CACNB4: variants seen among roughly 807,000 people sequenced by gnomAD.
CACNB4 encodes the protein calcium voltage-gated channel auxiliary subunit beta 4.
Under a neutral mutation model 71.2 loss-of-function variants are expected in CACNB4, and 32 were observed. That is an observed-to-expected ratio of 0.45 (90% confidence interval 0.34 to 0.60). The LOEUF is 0.60. Among genes scored for constraint, CACNB4 ranks in the 20% least tolerant of loss-of-function variants. CACNB4 has a pLI of 0.01. For synonymous variants in CACNB4, 231 were observed against 236.9 expected (o/e 0.97, Z 0.23); for missense variants, 464 against 647.9 (o/e 0.72, Z 3.08).
At chr2:151,952,299 G>A (rs1235368269) in intron 2 of CACNB4, among the ~76,000 whole-genome samples, 1 of 152,138 alleles carries the variant, frequency 6.6e-6, no homozygotes, top group East Asian at 1.9e-4. Flanking sequence ...CTACAATGGG[G>A]AGTAATGATT....
intron 2 of CACNB4, among the ~76,000 whole-genome samples, chr2:151,917,360 C>T (rs921251092): frequency 2.0e-5 from 3 of 152,162 alleles, no homozygotes; most frequent in African/African-American, 7.2e-5. Flanking sequence ...AGAAAACAAA[C>T]ACCTGGAAGG....
chr2:151,925,563 G>A (rs2099860014), intron 2 of CACNB4, among the ~76,000 whole-genome samples: 1 of 152,100 alleles, frequency 6.6e-6, no homozygotes, highest in Non-Finnish European at 1.5e-5. Context: ...AGCAATCCCT[G>A]GTACCTGGAA....
At chr2:152,008,467 A>C (rs1682857668) in intron 2 of CACNB4, among the ~76,000 whole-genome samples, 1 of 151,878 alleles carries the variant, frequency 6.6e-6, no homozygotes, top group Non-Finnish European at 1.5e-5. Flanking sequence ...TTGTATTTTT[A>C]GTAGAGACAG....
intron 2 of CACNB4, among the ~76,000 whole-genome samples, chr2:152,039,559 T>A (rs1210928475): frequency 6.6e-6 from 1 of 152,248 alleles, no homozygotes; most frequent in East Asian, 1.9e-4. Context: ...CTTGTTTTCA[T>A]ATAGGTTTTA....
intron 2 of CACNB4, among the ~76,000 whole-genome samples, chr2:152,056,443 C>G (rs6745984): frequency 0.049 from 7,503 of 152,148 alleles, 616 homozygotes; most frequent in African/African-American, 0.17. Flanking sequence ...ACAATTATCT[C>G]CCATGTTTCA....
At chr2:151,929,694 T>G (rs1182611145) in intron 2 of CACNB4, among the ~76,000 whole-genome samples, 2 of 152,212 alleles carry the variant, frequency 1.3e-5, no homozygotes, top group African/African-American at 4.8e-5. Flanking sequence ...AATTGATTAC[T>G]ACATTAATAT....
At chr2:151,952,080 G>T (rs2099867042) in intron 2 of CACNB4, among the ~76,000 whole-genome samples, 3 of 152,098 alleles carry the variant, frequency 2.0e-5, no homozygotes, top group Admixed American at 2.0e-4. Flanking sequence ...AGAATTAAAT[G>T]ATATATGTAT....
At position 152,084,790 on chromosome 2, in the gene CACNB4, T is replaced by A. The variant is rs1176127848; in HGVS notation, c.147+13540A>T. On this transcript the variant is annotated intron_variant, in intron 2 of 13. Coordinates refer to ENST00000539935, the MANE Select transcript of CACNB4 (RefSeq NM_000726.5). ...ATGCCTGGCTAATGTTTTTTTTTTT[T>A]AATTTGTTTTGTTTTGTAGAGACAG... Among the ~76,000 whole-genome samples the A allele has an allele frequency of 4.6e-5, 7 of 151,774 alleles. No individual in the cohort carries two copies. The South Asian group carries it at 6.3e-4, about 14-fold the overall frequency.
At chr2:151,986,153 C>T (rs1471737301) in intron 2 of CACNB4, among the ~76,000 whole-genome samples, 1 of 152,124 alleles carries the variant, frequency 6.6e-6, no homozygotes. Context: ...AAATAAAGCA[C>T]TTATTTACCT....
intron 2 of CACNB4, among the ~76,000 whole-genome samples, chr2:152,091,747 C>A (rs944083604): frequency 1.3e-5 from 2 of 152,202 alleles, no homozygotes; most frequent in African/African-American, 4.8e-5. Context: ...CCACTGCCTG[C>A]AGCTTGTTTC....
At chr2:151,892,418 T>C (rs1164488415) in intron 2 of CACNB4, among the ~76,000 whole-genome samples, 1 of 151,442 alleles carries the variant, frequency 6.6e-6, no homozygotes, top group East Asian at 1.9e-4. Context: ...AAGAATAATA[T>C]AGCTTGGTTT....
chr2:151,930,400 A>C (rs1436561558), intron 2 of CACNB4, among the ~76,000 whole-genome samples: 3 of 152,106 alleles, frequency 2.0e-5, no homozygotes, highest in Non-Finnish European at 4.4e-5. Flanking sequence ...AGTATATAAA[A>C]CTAAAATTTT....
At chr2:151,877,528 C>G (rs1210801532) in intron 4 of CACNB4, among the ~76,000 whole-genome samples, 2 of 152,090 alleles carry the variant, frequency 1.3e-5, no homozygotes, top group African/African-American at 2.4e-5. Context: ...ACAGATATGT[C>G]TGAGATGAAA....
chr2:151,913,610 C>CA (rs1559983109), intron 2 of CACNB4, among the ~76,000 whole-genome samples: 1 of 150,884 alleles, frequency 6.6e-6, no homozygotes, highest in Admixed American at 6.6e-5. Context: ...CTAAAAAATG[C>CA]AAAAAAATCG....
chr2:152,088,648 A>T (rs2105455448), intron 2 of CACNB4, among the ~76,000 whole-genome samples: 1 of 152,344 alleles, frequency 6.6e-6, no homozygotes, highest in South Asian at 2.1e-4. Flanking sequence ...TTGTCATCCA[A>T]ATGATTACAG....
intron 2 of CACNB4, among the ~76,000 whole-genome samples, chr2:152,086,848 T>C (rs1206824187): frequency 1.3e-5 from 2 of 152,160 alleles, no homozygotes; most frequent in African/African-American, 2.4e-5. Context: ...AAGAGTTTTG[T>C]GGCCGGGCGC....
intron 11 of CACNB4, chr2:151,854,444 A>G (rs1038605270): frequency 6.6e-6 from 1 of 152,196 alleles, no homozygotes; most frequent in African/African-American, 2.4e-5. Flanking sequence ...GACATTCTCC[A>G]CCCATGAGAG....
rs1445422038 is a variant in CACNB4 at position 152,098,798 on chromosome 2, G to A, written c.63+151C>T. ...AAAGAGGAGGAGCGGGAGGAGAAAG[G>A]GACGTGGAGGAGGGGTGGGGGGAGC... On this transcript the variant is annotated intron_variant, in intron 1 of 13. Transcript: ENST00000539935. The surrounding 1 kb of genome is among the most constrained non-coding windows in gnomAD (Gnocchi z 5.3). The A allele has an allele frequency of 1.7e-5, 19 of 1,099,140 alleles. No homozygotes were observed. Among genetic ancestry groups the A allele is most frequent in the Non-Finnish European group, 2.2e-5 (17 of 768,428 alleles). 68.1% of individuals were successfully genotyped at this position (1,099,140 alleles called of 1,614,324 possible).
intron 2 of CACNB4, among the ~76,000 whole-genome samples, chr2:151,952,861 T>G (rs1257618169): frequency 6.6e-6 from 1 of 152,204 alleles, no homozygotes; most frequent in Non-Finnish European, 1.5e-5. Flanking sequence ...AGGGGTGAAT[T>G]TCAGGGAATC....
Sources: gnomAD v4.1 joint callset for allele counts (sites outside exome capture counted in the v4.1 genomes callset) on GRCh38, gnomAD v4.1.1 for gene constraint, Gnocchi (gnomAD v3.1) non-coding constraint, MANE v1.5 for transcripts, NCBI Gene and HGNC (gene_info 2026-07-23, HGNC 2026-07-21) for gene names.